The following DLG2 variants were observed in gnomAD, a reference collection of about 807,000 sequenced individuals.
DLG2 encodes discs large MAGUK scaffold protein 2.
In DLG2, 45 loss-of-function variants were observed where a neutral mutation model predicts 132.5. The ratio of observed to expected loss-of-function variants is 0.34; its 90% confidence interval spans 0.27 to 0.44. The LOEUF is 0.44. Among genes scored for constraint, DLG2 ranks in the 20% least tolerant of loss-of-function variants. The probability of loss-of-function intolerance (pLI) is 1.00; values close to 1 mark genes in which losing one functional copy is unlikely to be tolerated. For missense variants in DLG2, 1,045 were observed against 1,196.9 expected (o/e 0.87, Z 1.87); for synonymous variants, 424 against 419.6 (o/e 1.01, Z -0.13).
At chr11:84,925,349 C>T (rs893355114) in intron 6 of DLG2, among the ~76,000 whole-genome samples, 2 of 152,092 alleles carry the variant, frequency 1.3e-5, no homozygotes, top group African/African-American at 4.8e-5. Context: ...TCTAACAGGG[C>T]TTTAGATACC....
chr11:83,827,141 T>G (rs1466640581), intron 17 of DLG2, among the ~76,000 whole-genome samples: 1 of 152,100 alleles, frequency 6.6e-6, no homozygotes, highest in African/African-American at 2.4e-5. Context: ...TGGCGGCTCA[T>G]ATGAGGACCA....
intron 18 of DLG2, among the ~76,000 whole-genome samples, chr11:83,713,844 G>A (rs1461055689): frequency 2.6e-5 from 4 of 152,330 alleles, no homozygotes; most frequent in Middle Eastern, 3.4e-3. Context: ...TTTTCTGACT[G>A]AGGCATACAG....
At chr11:84,399,528 C>T (rs868082515) in intron 7 of DLG2, among the ~76,000 whole-genome samples, 2 of 152,210 alleles carry the variant, frequency 1.3e-5, no homozygotes, top group Middle Eastern at 3.4e-3. Context: ...TGAGTTCAAG[C>T]GATTATCCTG....
At chr11:84,678,528 C>T in intron 6 of DLG2, among the ~76,000 whole-genome samples, 1 of 152,048 alleles carries the variant, frequency 6.6e-6, no homozygotes, top group Non-Finnish European at 1.5e-5. Context: ...CAAATTCTTT[C>T]ATTCTAGGAG....
intron 19 of DLG2, chr11:83,631,167 C>CTTTTTTTTTTTTTT (rs57696126): frequency 2.2e-5 from 2 of 91,660 alleles, no homozygotes; most frequent in Non-Finnish European, 4.3e-5. Flanking sequence ...TTGCTTCTTG[C>CTTTTTTTTTTTTTT]TTTTTTTTTT....
At chr11:84,868,440 A>C (rs1165669155) in intron 6 of DLG2, among the ~76,000 whole-genome samples, 1 of 152,224 alleles carries the variant, frequency 6.6e-6, no homozygotes, top group Non-Finnish European at 1.5e-5. Context: ...CAAAACAAAC[A>C]AACTGGGATT....
At chr11:84,959,026 G>T (rs1319207652) in intron 6 of DLG2, among the ~76,000 whole-genome samples, 1 of 152,176 alleles carries the variant, frequency 6.6e-6, no homozygotes, top group Non-Finnish European at 1.5e-5. Context: ...GTAGGCACCT[G>T]CTTATACGTG....
chr11:84,582,746 G>C lies in DLG2; in HGVS notation c.358-48015C>G, dbSNP rs556439747. 1.2e-4 allele frequency among the ~76,000 whole-genome samples: 18 copies of C among 152,096 alleles called. 1 individual carries two copies. In the South Asian group the frequency reaches 3.7e-3, roughly 32 times the overall value. Reference sequence around the variant, plus strand: ...GTGACTTTACAATCTTCCTACTATAGAAAAGACTATTTCATAAATTATGAG... The same window carrying C: ...GTGACTTTACAATCTTCCTACTATACAAAAGACTATTTCATAAATTATGAG... On this transcript the variant is annotated intron_variant, in intron 6 of 27. Transcript: ENST00000376104.
chr11:85,483,892 C>CAAA (rs5793164), intron 3 of DLG2, among the ~76,000 whole-genome samples: 1,630 of 85,186 alleles, frequency 0.019, 15 homozygotes, highest in Middle Eastern at 0.04. Context: ...TGCAGTGAGC[C>CAAA]AAAAAAAAAA....
chr11:85,482,526 G>T (rs72953934), intron 3 of DLG2, among the ~76,000 whole-genome samples: 4,186 of 152,186 alleles, frequency 0.028, 100 homozygotes, highest in East Asian at 0.096. Flanking sequence ...ACTCAATCTG[G>T]TTCCTTGTCC....
intron 7 of DLG2, among the ~76,000 whole-genome samples, chr11:84,404,866 TTTAACA>T (rs1376155983): frequency 6.6e-6 from 1 of 152,228 alleles, no homozygotes; most frequent in Non-Finnish European, 1.5e-5. Flanking sequence ...TTTAGGATAT[TTTAACA>T]TTTCTAGATA....
chr11:83,996,756 C>T (rs1817515), intron 11 of DLG2, among the ~76,000 whole-genome samples: 149,679 of 152,238 alleles, frequency 0.98, 73,587 homozygotes, highest in East Asian at 1. Flanking sequence ...AGTTGTAGGA[C>T]CTAAAAACCA....
intron 6 of DLG2, among the ~76,000 whole-genome samples, chr11:85,000,320 G>A (rs575083490): frequency 6.6e-6 from 1 of 152,280 alleles, no homozygotes; most frequent in Non-Finnish European, 1.5e-5. Flanking sequence ...AAGCTTAGAG[G>A]TCTTTCTGGT....
chr11:84,344,063 A>T lies in DLG2; in HGVS notation c.520-92772T>A, dbSNP rs1363751887. On this transcript the variant is annotated intron_variant, in intron 7 of 27. Coordinates refer to ENST00000376104, the MANE Select transcript of DLG2 (RefSeq NM_001142699.3). ...AGATCCCTACTTTATGTTCGAAAGA[A>T]TATAGCCTATCAAATATTTATTTAA... Among the ~76,000 whole-genome samples the T allele has an allele frequency of 3.3e-5, 5 of 152,350 alleles. No homozygotes were observed. In the South Asian group the frequency reaches 1.0e-3, roughly 32 times the overall value.
At chr11:83,516,854 C>T (rs969732137) in intron 21 of DLG2, among the ~76,000 whole-genome samples, 3 of 152,166 alleles carry the variant, frequency 2.0e-5, no homozygotes, top group Admixed American at 6.5e-5. Context: ...ATATTGGGCC[C>T]GTCTCTCTTC....
At chr11:84,866,582 T>C (rs1481215755) in intron 6 of DLG2, among the ~76,000 whole-genome samples, 2 of 152,188 alleles carry the variant, frequency 1.3e-5, no homozygotes, top group Non-Finnish European at 2.9e-5. Flanking sequence ...TATTTGAGCC[T>C]GGAATCACTG....
At chr11:84,286,777 C>A (rs1311018439) in intron 7 of DLG2, among the ~76,000 whole-genome samples, 1 of 152,232 alleles carries the variant, frequency 6.6e-6, no homozygotes, top group Non-Finnish European at 1.5e-5. Flanking sequence ...CTCAGAGATG[C>A]CCCTGAGCCA....
intron 6 of DLG2, among the ~76,000 whole-genome samples, chr11:84,829,847 C>A (rs1044700379): frequency 6.6e-6 from 1 of 151,566 alleles, no homozygotes; most frequent in South Asian, 2.1e-4. Context: ...TTGGGACATA[C>A]ATTTAAAAAT....
Position 83,548,863 on chromosome 11 carries a change from C to T in DLG2, c.1941-7005G>A, listed in dbSNP as rs187000563. Among the ~76,000 whole-genome samples the T allele has an allele frequency of 2.0e-5, 3 of 152,248 alleles. No homozygotes were observed. The East Asian group carries it at 5.8e-4, about 29-fold the overall frequency. Reference sequence around the variant, plus strand: ...CTCTTTTACCTCTCTGGGAAGCCTACAGCTTCTAGTCTTGAGTGGGAATAT... The same window carrying T: ...CTCTTTTACCTCTCTGGGAAGCCTATAGCTTCTAGTCTTGAGTGGGAATAT... On this transcript the variant is annotated intron_variant, in intron 19 of 27. Coordinates refer to ENST00000376104, the MANE Select transcript of DLG2 (RefSeq NM_001142699.3).
Sources: gnomAD v4.1 joint callset for allele counts (sites outside exome capture counted in the v4.1 genomes callset) on GRCh38, gnomAD v4.1.1 for gene constraint, MANE v1.5 for transcripts, NCBI Gene and HGNC (gene_info 2026-07-23, HGNC 2026-07-21) for gene names.